The following TAF4B variants were observed in gnomAD, a reference collection of about 807,000 sequenced individuals.
TAF4B encodes TATA-box binding protein associated factor 4b, also known as transcription initiation factor TFIID subunit 4B.
In TAF4B, 38 loss-of-function variants were observed where a neutral mutation model predicts 86.4. The ratio of observed to expected loss-of-function variants is 0.44; its 90% CI spans 0.34 to 0.58. The LOEUF is 0.58. Ranked by LOEUF, TAF4B falls within the 20% of genes least tolerant of loss-of-function variation. The probability of loss-of-function intolerance (pLI) is 0.02; values close to 1 mark genes in which losing one functional copy is unlikely to be tolerated. For synonymous variants in TAF4B, 388 were observed against 391.2 expected (o/e 0.99, Z 0.10); for missense variants, 988 against 1,027.6 (o/e 0.96, Z 0.53).
At chr18:26,372,479 C>T (rs1319814502) in intron 14 of TAF4B, among the ~76,000 whole-genome samples, 1 of 152,122 alleles carries the variant, frequency 6.6e-6, no homozygotes, top group Admixed American at 6.5e-5. Flanking sequence ...TTTCTGTATA[C>T]CTATTAGTAA....
In TAF4B at chr18:26,391,370, A is replaced by G. The variant is rs1279172233; in HGVS notation, c.*1358A>G. 2.6e-5 allele frequency: 4 copies of G among 151,832 alleles called. No individual in the cohort carries two copies. Among genetic ancestry groups the G allele is most frequent in the Non-Finnish European group, 5.9e-5 (4 of 67,954 alleles). 9.4% of individuals were successfully genotyped at this position (151,832 alleles called of 1,614,324 possible). On this transcript the variant is annotated 3_prime_UTR_variant, in exon 15 of 15. Transcript: ENST00000269142. ...ACTTATAAGAATTGAAGGAAAAAAA[A>G]AAAAACACCTCACGTATGTTATTCT...
intron 11 of TAF4B, among the ~76,000 whole-genome samples, chr18:26,326,477 A>G (rs569448327): frequency 1.3e-4 from 20 of 152,204 alleles, no homozygotes; most frequent in Non-Finnish European, 2.2e-4. Context: ...CTTAACTTAG[A>G]TTATATTTTG....
chr18:26,329,122 A>G (rs899011012), intron 12 of TAF4B, among the ~76,000 whole-genome samples: 2 of 151,652 alleles, frequency 1.3e-5, no homozygotes, highest in African/African-American at 4.9e-5. Flanking sequence ...CAGTGATGTG[A>G]TCGTGGCTCA....
chr18:26,311,747 C>CTG (rs1478738700), intron 9 of TAF4B, among the ~76,000 whole-genome samples: 1 of 152,130 alleles, frequency 6.6e-6, no homozygotes, highest in Admixed American at 6.6e-5. Flanking sequence ...AGAGTGCTAA[C>CTG]TGTGGTCATT....
intron 12 of TAF4B, among the ~76,000 whole-genome samples, chr18:26,332,365 G>A (rs1260627896): frequency 6.6e-6 from 1 of 152,166 alleles, no homozygotes; most frequent in African/African-American, 2.4e-5. Context: ...AGTTGTTTTA[G>A]AGCAGTCTAC....
rs1978704066 is a variant in TAF4B at position 26,391,425 on chromosome 18, T to C, written c.*1413T>C. The stretch of plus-strand genomic sequence containing the variant: ...CCTGTTCTTCCCATTGGGACTGTTA[T>C]GGCCATATTCTACAGTATAGTAAAT... On this transcript the variant is annotated 3_prime_UTR_variant, in exon 15 of 15. Transcript: ENST00000269142. The C allele has an allele frequency of 6.6e-6, 1 of 151,938 alleles. No individual in the cohort carries two copies. Among genetic ancestry groups the C allele is most frequent in the African/African-American group, 2.4e-5 (1 of 41,424 alleles). The allele number at this position is 151,938 out of a possible 1,614,324, so 9.4% of individuals were successfully genotyped here.
intron 13 of TAF4B, among the ~76,000 whole-genome samples, chr18:26,336,384 TTTGGA>T (rs1222175727): frequency 6.6e-6 from 1 of 152,116 alleles, no homozygotes; most frequent in East Asian, 1.9e-4. Flanking sequence ...GCCCTTATTG[TTTGGA>T]TTAATGTAGG....
At chr18:26,376,956 A>G (rs1423952366) in intron 14 of TAF4B, among the ~76,000 whole-genome samples, 1 of 151,618 alleles carries the variant, frequency 6.6e-6, no homozygotes, top group Non-Finnish European at 1.5e-5. Context: ...TTTCCCCTTT[A>G]TCTAAAGAAG....
chr18:26,229,005 T>C (rs1276874194), intron 1 of TAF4B, among the ~76,000 whole-genome samples: 1 of 152,192 alleles, frequency 6.6e-6, no homozygotes. Flanking sequence ...GAGTTTTAGC[T>C]CAGGTCTGTT....
rs528779708 is a variant in TAF4B at position 26,293,399 on chromosome 18, C to T, written c.1727-27C>T. The T allele has an allele frequency of 2.6e-6, 4 of 1,513,322 alleles. 1 individual carries two copies. In the East Asian group the frequency reaches 6.9e-5, roughly 26 times the overall value. 93.7% of individuals were successfully genotyped at this position (1,513,322 alleles called of 1,614,324 possible). On this transcript the variant is annotated intron_variant, in intron 8 of 14. Coordinates refer to ENST00000269142, the MANE Select transcript of TAF4B (RefSeq NM_005640.3). ...GTGGTGTGATTGCTTTTTTTGTATT[C>T]TATTTTTTCTTGTTTTGTTTTTATA... is the stretch of plus-strand genomic sequence containing the variant.
At chr18:26,314,440 C>T (rs1284245452) in intron 9 of TAF4B, among the ~76,000 whole-genome samples, 3 of 142,332 alleles carry the variant, frequency 2.1e-5, no homozygotes, top group Admixed American at 1.4e-4. Flanking sequence ...AAGCAAGGAG[C>T]CCAGACATCT....
intron 14 of TAF4B, among the ~76,000 whole-genome samples, chr18:26,372,425 T>A (rs899018523): frequency 6.6e-6 from 1 of 152,162 alleles, no homozygotes; most frequent in Non-Finnish European, 1.5e-5. Context: ...ATCTATACAA[T>A]CCCTGACTTT....
chr18:26,333,919 T>C (rs1418309982), intron 12 of TAF4B, among the ~76,000 whole-genome samples: 1 of 152,138 alleles, frequency 6.6e-6, no homozygotes, highest in Non-Finnish European at 1.5e-5. Context: ...GTACTATGGA[T>C]GACCAATAAA....
At chr18:26,338,594 T>G (rs1391217782) in intron 13 of TAF4B, among the ~76,000 whole-genome samples, 1 of 144,424 alleles carries the variant, frequency 6.9e-6, no homozygotes, top group Non-Finnish European at 1.5e-5. Context: ...TTCTCCTGCC[T>G]CAGCCTCCTG....
intron 1 of TAF4B, among the ~76,000 whole-genome samples, chr18:26,262,870 C>T (rs934802563): frequency 1.3e-5 from 2 of 152,096 alleles, no homozygotes; most frequent in Admixed American, 1.3e-4. Flanking sequence ...TAGAGATCCT[C>T]TTGCCACCAT....
At chr18:26,227,363 A>G (rs2055594142) in intron 1 of TAF4B, 87 bp downstream of exon 1, 2 of 1,199,742 alleles carry the variant, frequency 1.7e-6, no homozygotes, top group East Asian at 5.0e-5. Flanking sequence ...TCCTAAAAAA[A>G]CTGAGCCACG....
intron 1 of TAF4B, among the ~76,000 whole-genome samples, chr18:26,234,327 G>A (rs1281248363): frequency 6.6e-6 from 1 of 152,186 alleles, no homozygotes; most frequent in East Asian, 1.9e-4. Flanking sequence ...ACCTCCTTGG[G>A]TTTTTGCACT....
chr18:26,273,078 C>G (rs1302877294), intron 3 of TAF4B, among the ~76,000 whole-genome samples: 1 of 152,060 alleles, frequency 6.6e-6, no homozygotes, highest in African/African-American at 2.4e-5. Flanking sequence ...ATGTTACAGA[C>G]CTTTCTCATA....
At chr18:26,252,692 C>T (rs910516465) in intron 1 of TAF4B, among the ~76,000 whole-genome samples, 2 of 152,064 alleles carry the variant, frequency 1.3e-5, no homozygotes, top group East Asian at 1.9e-4. Context: ...CACAGTATTA[C>T]AGCGTTTGTG....
Sources: gnomAD v4.1 joint callset for allele counts (sites outside exome capture counted in the v4.1 genomes callset) on GRCh38, gnomAD v4.1.1 for gene constraint, MANE v1.5 for transcripts, NCBI Gene and HGNC (gene_info 2026-07-23, HGNC 2026-07-21) for gene names.